Variants in SUPT5H observed in about 807,000 individuals in gnomAD.
The protein encoded by SUPT5H is transcription elongation factor SPT5.
A neutral mutation model predicts 142.5 loss-of-function variants in SUPT5H; 24 were observed. The ratio of observed to expected loss-of-function variants is 0.17; its 90% CI spans 0.12 to 0.24. The LOEUF is 0.24. Ranked by LOEUF, SUPT5H falls within the 10% of genes least tolerant of loss-of-function variation. The probability of loss-of-function intolerance (pLI) is 1.00; values close to 1 mark genes in which losing one functional copy is unlikely to be tolerated. For missense variants in SUPT5H, 893 were observed against 1,471.8 expected, an observed-to-expected ratio of 0.61 and a Z score of 6.43; for synonymous variants, 546 against 553.0, an observed-to-expected ratio of 0.99 and a Z score of 0.18.
chr19:39,471,372 G>A lies in SUPT5H; in HGVS notation c.1693G>A (p.Gly565Arg), dbSNP rs923477400. The change falls in exon 19 of 30, where the codon GGG (glycine) becomes AGG (arginine). Residue 565 changes from glycine to arginine, a missense_variant. By Grantham distance (125) the Gly-to-Arg change is moderately radical. This residue lies in a region of SUPT5H where 428 missense variants were observed against 763.5 expected (regional missense o/e 0.56). Coordinates refer to ENST00000432763, the MANE Select transcript of SUPT5H (RefSeq NM_001111020.3). ...RETFQVLNMY[G>R]KVVTVRHQAV... ...CCCTCTGTAGGTGCTGAACATGTACGGGAAGGTGGTGACTGTCAGACATCA... is the reference window on the plus strand; with the variant it reads ...CCCTCTGTAGGTGCTGAACATGTACAGGAAGGTGGTGACTGTCAGACATCA... The A allele has an allele frequency of 5.0e-6, 8 of 1,614,044 alleles. No homozygotes were observed. The highest frequency in any genetic ancestry group is 1.6e-4 in the Middle Eastern group (1 of 6,082).
chr19:39,465,016 C>T lies in SUPT5H; in HGVS notation c.843C>T (p.Leu281=), dbSNP rs1341961548. The change falls in exon 11 of 30, where the codon CTC becomes CTT. Residue 281 remains leucine (L), a synonymous_variant. Coordinates refer to ENST00000432763, the MANE Select transcript of SUPT5H (RefSeq NM_001111020.3). ...TGAAACCAAAGTCCTGGGTCCGCCT[C>T]AAGCGGGGCATCTACAAGGATGACA... ...ANLKPKSWVR[L]KRGIYKDDIA... The T allele has an allele frequency of 6.2e-7, 1 of 1,614,120 alleles. No homozygotes were observed. Among genetic ancestry groups the T allele is most frequent in the Non-Finnish European group, 8.5e-7 (1 of 1,179,972 alleles).
At chr19:39,447,054 A>G (rs2078963572) in intron 2 of SUPT5H, among the ~76,000 whole-genome samples, 1 of 152,002 alleles carries the variant, frequency 6.6e-6, no homozygotes, top group Non-Finnish European at 1.5e-5. Flanking sequence ...AGTCCCAGCT[A>G]CTTGGGAGGC....
In SUPT5H at chr19:39,470,813, G is replaced by A. The variant is rs2079309134; in HGVS notation, c.1677+290G>A. Among the ~76,000 whole-genome samples the A allele has an allele frequency of 6.6e-6, 1 of 152,156 alleles. No homozygotes were observed. The highest frequency in any genetic ancestry group is 2.1e-4 in the South Asian group (1 of 4,832). ...GGTGGCTGTTGCTCGCTCAAGGATG[G>A]AGTGCCACATGTGCCCTCCTGCCTT... On this transcript the variant is annotated intron_variant, in intron 18 of 29. Coordinates refer to ENST00000432763, the MANE Select transcript of SUPT5H (RefSeq NM_001111020.3). This position sits in a 1 kb window ranked among gnomAD's most constrained non-coding sequence, Gnocchi z 5.8.
At chr19:39,457,164 G>A (rs2079101342) in intron 3 of SUPT5H, among the ~76,000 whole-genome samples, 1 of 152,194 alleles carries the variant, frequency 6.6e-6, no homozygotes, top group African/African-American at 2.4e-5. Context: ...ATCTCTCTGG[G>A]TCTCAGAGCC....
At position 39,469,456 on chromosome 19, in the gene SUPT5H, G is replaced by A; in HGVS notation, c.1374+58G>A. 6.2e-7 allele frequency: 1 copy of A among 1,608,686 alleles called. No homozygotes were observed. Among genetic ancestry groups the A allele is most frequent in the South Asian group, 1.1e-5 (1 of 90,818 alleles). ...AGTGTTCAGGCACATCTGACTGTAT[G>A]TGGCTGTCGAGGCGGTGGTGTGCCT... On this transcript the variant is annotated intron_variant, in intron 16 of 29. Transcript: ENST00000432763. The surrounding 1 kb of genome is among the most constrained non-coding windows in gnomAD (Gnocchi z 5.1).
rs1365603742 is a variant in SUPT5H at position 39,472,412 on chromosome 19, C to T, written c.1954C>T (p.Arg652Cys). Residue 652 changes from arginine (R) to cysteine (C), a missense_variant, in exon 21 of 30, where the codon CGT (arginine) becomes TGT (cysteine). Arg to Cys is a radical substitution (Grantham distance 180). This residue lies in a region of SUPT5H where 428 missense variants were observed against 763.5 expected (regional missense o/e 0.56). Coordinates refer to ENST00000432763, the MANE Select transcript of SUPT5H (RefSeq NM_001111020.3). This position sits in a 1 kb window ranked among gnomAD's most constrained non-coding sequence, Gnocchi z 4.2. ...TCACTCCTTGCTTCTATCCTAGCCC[C>T]GTGATGTGACCAACTTCACCGTGGG... ...HLVLAGGSKP[R>C]DVTNFTVGGF... is the part of the protein sequence containing the mutation. 6 of 1,614,044 alleles carry T rather than the reference C, an allele frequency of 3.7e-6. No homozygotes were observed. Among genetic ancestry groups the T allele is most frequent in the South Asian group, 2.2e-5 (2 of 91,078 alleles).
chr19:39,460,196 T>C, intron 10 of SUPT5H: 1 of 527,708 alleles, frequency 1.9e-6, no homozygotes, highest in Non-Finnish European at 3.4e-6. Flanking sequence ...TGTAGCCCTT[T>C]GGAAGTCAGC....
Position 39,469,689 on chromosome 19 carries a change from G to A in SUPT5H, c.1374+291G>A, listed in dbSNP as rs185427247. 5.6e-6 allele frequency: 3 copies of A among 532,470 alleles called. No individual in the cohort carries two copies. Among genetic ancestry groups the A allele is most frequent in the Non-Finnish European group, 1.0e-5 (3 of 293,804 alleles). The allele number at this position is 532,470 out of a possible 1,614,324, so 33.0% of individuals were successfully genotyped here. On this transcript the variant is annotated intron_variant, in intron 16 of 29. Transcript: ENST00000432763. This position sits in a 1 kb window ranked among gnomAD's most constrained non-coding sequence, Gnocchi z 5.1. Reference sequence around the variant, plus strand: ...GGTTGAGAGTGTGATTAACCAAGGAGTAATCTGAGGCTTGACTTTGTTTGC... The same window carrying A: ...GGTTGAGAGTGTGATTAACCAAGGAATAATCTGAGGCTTGACTTTGTTTGC...
chr19:39,451,568 A>G (rs1172693552), intron 2 of SUPT5H, among the ~76,000 whole-genome samples: 2 of 149,858 alleles, frequency 1.3e-5, no homozygotes, highest in Non-Finnish European at 3.0e-5. Context: ...GTCTTGGTCC[A>G]TTGGCCAGGC....
In SUPT5H at chr19:39,471,587, C is replaced by T; in HGVS notation, c.1825-18C>T. On this transcript the variant is annotated intron_variant, in intron 19 of 29. Coordinates refer to ENST00000432763, the MANE Select transcript of SUPT5H (RefSeq NM_001111020.3). ...AGGGGGACATGGTCAAGAGAGTGAC[C>T]CTTCTCTCCCCGGCTAGGGCCGAGA... The T allele has an allele frequency of 1.9e-6, 3 of 1,614,072 alleles. No individual in the cohort carries two copies. Among genetic ancestry groups the T allele is most frequent in the Non-Finnish European group, 2.5e-6 (3 of 1,179,994 alleles).
chr19:39,457,293 C>T (rs2079103145), intron 3 of SUPT5H, among the ~76,000 whole-genome samples: 1 of 152,206 alleles, frequency 6.6e-6, no homozygotes, highest in Non-Finnish European at 1.5e-5. Context: ...TCAGCATTAG[C>T]TGTTATAAAT....
At chr19:39,450,532 G>C (rs2079008338) in intron 2 of SUPT5H, among the ~76,000 whole-genome samples, 1 of 152,234 alleles carries the variant, frequency 6.6e-6, no homozygotes. Flanking sequence ...CTGAGGCCTA[G>C]TGTTGGGGAG....
At chr19:39,463,920 A>C (rs961325763) in intron 10 of SUPT5H, among the ~76,000 whole-genome samples, 1 of 151,626 alleles carries the variant, frequency 6.6e-6, no homozygotes, top group Non-Finnish European at 1.5e-5. Context: ...CTCTGGTAGC[A>C]ATTTTTGTCT....
intron 10 of SUPT5H, among the ~76,000 whole-genome samples, chr19:39,461,834 A>AG (rs975147562): frequency 1.4e-5 from 2 of 142,938 alleles, no homozygotes; most frequent in East Asian, 4.0e-4. Flanking sequence ...AAAAAAAAAA[A>AG]AAAAAATAAT....
chr19:39,446,006 A>G (rs1298584216), intron 2 of SUPT5H, 41 bp downstream of exon 2: 2 of 1,594,526 alleles, frequency 1.3e-6, no homozygotes, highest in African/African-American at 2.7e-5. Context: ...GCGTCTGGGG[A>G]CAGGACTCCG....
At chr19:39,453,609 C>T (rs541553511) in intron 3 of SUPT5H, 88 bp downstream of exon 3, 154 of 1,400,402 alleles carry the variant, frequency 1.1e-4, no homozygotes, top group East Asian at 2.0e-4. Flanking sequence ...GGCGGAGTCT[C>T]GCTCTGTCGC....
rs1290088557 is a variant in SUPT5H, at chr19:39,459,073, C to T, written c.458C>T (p.Thr153Met). ...TACGCCAAGTCATCTGTGGGAGAGA[C>T]GTAAGGGCATGGTGGGGGCAGGTGG... ...KKYAKSSVGETVYGGSDELSD... is the reference protein window; with the variant it reads ...KKYAKSSVGEMVYGGSDELSD... Residue 153 changes from threonine to methionine, a missense_variant and splice_region_variant, in exon 7 of 30, where the codon ACG becomes ATG. By Grantham distance (81) the Thr-to-Met change is moderately conservative. Transcript: ENST00000432763. The T allele has an allele frequency of 3.7e-6, 6 of 1,613,614 alleles. No homozygotes were observed. In the Admixed American group the frequency reaches 5.0e-5, roughly 13 times the overall value.
chr19:39,459,796 T>A, intron 9 of SUPT5H, 96 bp from the exon 10 acceptor site: 6 of 1,412,884 alleles, frequency 4.2e-6, no homozygotes, highest in South Asian at 1.2e-5. Flanking sequence ...CCTCTCTTGG[T>A]CCTACTTTAT....
Position 39,474,510 on chromosome 19 carries a change from T to G in SUPT5H, c.2821-5T>G. 6.2e-7 allele frequency: 1 copy of G among 1,613,932 alleles called. No individual in the cohort carries two copies. The highest frequency in any genetic ancestry group is 1.1e-5 in the South Asian group (1 of 91,068). ...TCCCAATGACACTTCCTCTTTCCCC[T>G]GCAGGCTAGCCCCAGCCCGAGCCCC... On this transcript the variant is annotated splice_polypyrimidine_tract_variant and splice_region_variant and intron_variant, in intron 27 of 29. Transcript: ENST00000432763. The surrounding 1 kb of genome is among the most constrained non-coding windows in gnomAD (Gnocchi z 6.5).
Sources: allele counts gnomAD v4.1 joint callset (sites outside exome capture counted in the v4.1 genomes callset), GRCh38; gene constraint gnomAD v4.1.1; regional missense constraint gnomAD v4.1.1; non-coding constraint Gnocchi (gnomAD v3.1); transcripts MANE v1.5; gene names NCBI Gene and HGNC (gene_info 2026-07-23, HGNC 2026-07-21).